CEP63: variants seen among roughly 807,000 people sequenced by gnomAD.
CEP63 encodes the protein centrosomal protein 63, also known as centrosomal protein of 63 kDa.
CEP63 carries 84 observed loss-of-function variants against 89.1 expected under a neutral mutation model. The ratio of observed to expected loss-of-function variants is 0.94; its 90% CI spans 0.79 to 1.13. CEP63 has a LOEUF of 1.13. Among genes scored for constraint, CEP63 ranks in the 50% most tolerant of loss-of-function variants. CEP63 has a pLI of 0.00. For missense variants in CEP63, 838 were observed against 813.3 expected, an observed-to-expected ratio of 1.03 and a Z score of -0.37; for synonymous variants, 267 against 272.5, an observed-to-expected ratio of 0.98 and a Z score of 0.20.
At chr3:134,551,797 A>C (rs1954922403) in intron 11 of CEP63, 129 bp from the exon 12 acceptor site, 1 of 219,310 alleles carries the variant, frequency 4.6e-6, no homozygotes. Context: ...ATATATATAA[A>C]TATGTATATG....
At chr3:134,506,918 C>CAAAAAAAAA (rs1229943667) in intron 2 of CEP63, among the ~76,000 whole-genome samples, 191 bp from the exon 3 acceptor site, 2 of 24,270 alleles carry the variant, frequency 8.2e-5, no homozygotes, top group Non-Finnish European at 9.1e-5. Context: ...AACTCCATCT[C>CAAAAAAAAA]AAAAAAAAAA....
the CEP63 span, among the ~76,000 whole-genome samples, chr3:134,675,522 A>T: frequency 2.6e-5 from 4 of 152,250 alleles, no homozygotes; most frequent in Non-Finnish European, 5.9e-5. Flanking sequence ...CAAATAAAAA[A>T]TAAATGAATT....
At chr3:134,750,551 G>A in the CEP63 span, among the ~76,000 whole-genome samples, 1 of 152,288 alleles carries the variant, frequency 6.6e-6, no homozygotes, top group Non-Finnish European at 1.5e-5. Context: ...CAGTGCTAGC[G>A]TTTGTACACA....
At chr3:134,646,764 G>A in the CEP63 span, among the ~76,000 whole-genome samples, 2 of 152,218 alleles carry the variant, frequency 1.3e-5, no homozygotes, top group Admixed American at 1.3e-4. Flanking sequence ...TTCTCTACTG[G>A]GGCTCTGGGA....
At chr3:134,556,190 A>G (rs996255269) in intron 12 of CEP63, among the ~76,000 whole-genome samples, 3 of 150,804 alleles carry the variant, frequency 2.0e-5, no homozygotes, top group African/African-American at 7.3e-5. Context: ...AACCTAGGCA[A>G]TACCATTCAG....
chr3:134,566,393 A>G (rs545589776), downstream of CEP63, among the ~76,000 whole-genome samples: 1 of 152,188 alleles, frequency 6.6e-6, no homozygotes, highest in Non-Finnish European at 1.5e-5. Context: ...GAGAAGGTTC[A>G]TAATTTTCAT....
intron 1 of CEP63, chr3:134,486,679 C>T (rs575743253): frequency 2.5e-5 from 9 of 362,698 alleles, no homozygotes; most frequent in Admixed American, 6.4e-5. Flanking sequence ...GTTGGGACTA[C>T]TTCATTCACG....
the CEP63 span, among the ~76,000 whole-genome samples, chr3:134,613,940 G>T: frequency 2.0e-5 from 3 of 152,156 alleles, no homozygotes; most frequent in Non-Finnish European, 4.4e-5. Flanking sequence ...TGTGTATAAA[G>T]CACTGTAGCA....
At chr3:134,631,144 A>G in the CEP63 span, among the ~76,000 whole-genome samples, 1 of 152,208 alleles carries the variant, frequency 6.6e-6, no homozygotes, top group African/African-American at 2.4e-5. Flanking sequence ...AGGCAAAGAG[A>G]AATAATATGA....
the CEP63 span, among the ~76,000 whole-genome samples, chr3:134,625,997 G>C: frequency 2.6e-5 from 4 of 152,384 alleles, no homozygotes; most frequent in Admixed American, 2.6e-4. Flanking sequence ...CTGCAAGGCT[G>C]CCTGGCCAAT....
chr3:134,621,554 A>C, the CEP63 span, among the ~76,000 whole-genome samples: 1 of 152,222 alleles, frequency 6.6e-6, no homozygotes, highest in East Asian at 1.9e-4. Context: ...CATGCCATAT[A>C]CAAAAACAAC....
chr3:134,643,187 C>A, the CEP63 span: 5 of 766,226 alleles, frequency 6.5e-6, no homozygotes, highest in Admixed American at 8.4e-5. Context: ...GGTTTTCCAA[C>A]ACCCATGGGA....
chr3:134,626,468 C>T, the CEP63 span, among the ~76,000 whole-genome samples: 2 of 152,310 alleles, frequency 1.3e-5, no homozygotes, highest in South Asian at 4.1e-4. Flanking sequence ...TCACACTGCT[C>T]TCTGGGAGGG....
intron 2 of CEP63, among the ~76,000 whole-genome samples, chr3:134,499,380 G>A (rs1225376868): frequency 6.6e-6 from 1 of 152,030 alleles, no homozygotes; most frequent in Non-Finnish European, 1.5e-5. Flanking sequence ...TTCTGTTTCT[G>A]ATTTTATTTA....
At chr3:134,652,662 G>A in the CEP63 span, among the ~76,000 whole-genome samples, 13 of 152,162 alleles carry the variant, frequency 8.5e-5, no homozygotes, top group African/African-American at 1.2e-4. Context: ...ACACACGCGC[G>A]CGCGCACACC....
chr3:134,509,759 T>G (rs1204027302), intron 3 of CEP63, among the ~76,000 whole-genome samples: 5 of 152,208 alleles, frequency 3.3e-5, no homozygotes, highest in Non-Finnish European at 5.9e-5. Flanking sequence ...ATTGGATACA[T>G]TAAATATGTG....
At chr3:134,609,071 C>T in the CEP63 span, among the ~76,000 whole-genome samples, 1 of 152,234 alleles carries the variant, frequency 6.6e-6, no homozygotes, top group African/African-American at 2.4e-5. Flanking sequence ...GGTCTGCACT[C>T]AGTGCCCTAG....
At chr3:134,508,516 T>G (rs1364011465) in intron 3 of CEP63, among the ~76,000 whole-genome samples, 1 of 152,184 alleles carries the variant, frequency 6.6e-6, no homozygotes, top group African/African-American at 2.4e-5. Flanking sequence ...AAAATTCTGT[T>G]TAGCAAGTTG....
At chr3:134,508,076 C>T (rs1576874177) in intron 3 of CEP63, among the ~76,000 whole-genome samples, 1 of 152,154 alleles carries the variant, frequency 6.6e-6, no homozygotes, top group African/African-American at 2.4e-5. Flanking sequence ...CTGTCATCAG[C>T]TTATTCAGGT....
Sources: gnomAD v4.1 joint callset for allele counts (sites outside exome capture counted in the v4.1 genomes callset) on GRCh38, gnomAD v4.1.1 for gene constraint, MANE v1.5 for transcripts, NCBI Gene and HGNC (gene_info 2026-07-23, HGNC 2026-07-21) for gene names.